UBE2QL1: variants seen among roughly 807,000 people sequenced by gnomAD.
UBE2QL1 encodes ubiquitin conjugating enzyme E2 QL1.
Under a neutral mutation model 12.6 loss-of-function variants are expected in UBE2QL1, and 5 were observed. The ratio of observed to expected loss-of-function variants is 0.40; its 90% CI spans 0.21 to 0.83. UBE2QL1 has a LOEUF of 0.83. Among genes scored for constraint, UBE2QL1 ranks in the 40% least tolerant of loss-of-function variants. UBE2QL1 has a pLI of 0.37. For missense variants in UBE2QL1, 99 were observed against 222.6 expected (o/e 0.44, Z 3.53); for synonymous variants, 96 against 94.5 (o/e 1.02, Z -0.10).
chr5:6,467,492 A>G (rs1262458028), intron 1 of UBE2QL1, among the ~76,000 whole-genome samples: 1 of 152,096 alleles, frequency 6.6e-6, no homozygotes, highest in Non-Finnish European at 1.5e-5. Flanking sequence ...CACCAGTCCT[A>G]TTGGATTAGG....
intron 1 of UBE2QL1, among the ~76,000 whole-genome samples, chr5:6,473,195 T>C (rs12652806): frequency 0.63 from 95,159 of 152,138 alleles, 34,167 homozygotes; most frequent in East Asian, 0.91. Context: ...CTTTTCAAAA[T>C]CATCTTAGCT....
At chr5:6,485,321 A>G (rs1355694528) in intron 1 of UBE2QL1, among the ~76,000 whole-genome samples, 1 of 152,154 alleles carries the variant, frequency 6.6e-6, no homozygotes, top group Non-Finnish European at 1.5e-5. Context: ...TTCTTAGAAG[A>G]GTCTGATCTG....
chr5:6,471,766 A>G (rs1168746939), intron 1 of UBE2QL1, among the ~76,000 whole-genome samples: 1 of 152,240 alleles, frequency 6.6e-6, no homozygotes, highest in Non-Finnish European at 1.5e-5. Context: ...ATACAGGAGC[A>G]TAATATTAGC....
At chr5:6,471,789 T>C (rs1472135020) in intron 1 of UBE2QL1, among the ~76,000 whole-genome samples, 1 of 152,208 alleles carries the variant, frequency 6.6e-6, no homozygotes, top group Admixed American at 6.5e-5. Context: ...ATTCCGTAGG[T>C]AGGATCTTGT....
intron 1 of UBE2QL1, among the ~76,000 whole-genome samples, chr5:6,488,456 C>T (rs1371700155): frequency 1.8e-5 from 2 of 109,976 alleles, no homozygotes; most frequent in Non-Finnish European, 3.4e-5. Flanking sequence ...TGCATTTTCG[C>T]CAAAAAAAAA....
In UBE2QL1 at chr5:6,449,238, C is replaced by T. The variant is rs1012449377; in HGVS notation, c.345C>T (p.Val115=). 1 of 1,439,484 alleles carries T rather than the reference C, an allele frequency of 6.9e-7. No homozygotes were observed. The highest frequency in any genetic ancestry group is 1.5e-5 in the African/African-American group (1 of 68,404). The allele number at this position is 1,439,484 out of a possible 1,614,324, so 89.2% of individuals were successfully genotyped here. A position where few individuals can be genotyped will look rare whatever the true frequency, so the allele number is the denominator to read the frequency against. The change falls in exon 1 of 2, where the codon GTC becomes GTT. Residue 115 remains valine (V), a synonymous_variant. Transcript: ENST00000399816. The part of the protein sequence containing the change: ...AVMRQFAASL[V]KGQGRICRKA... ...TGCGCCAGTTCGCAGCCAGCCTGGT[C>T]AAGGGCCAGGTAAGGCGAGCGCGCC...
chr5:6,461,543 A>ACCCCCCC (rs71953375), intron 1 of UBE2QL1, among the ~76,000 whole-genome samples: 25 of 42,190 alleles, frequency 5.9e-4, no homozygotes, highest in South Asian at 1.1e-3. Context: ...AGCACCCACC[A>ACCCCCCC]CCCCCCCCCG....
intron 1 of UBE2QL1, among the ~76,000 whole-genome samples, chr5:6,488,521 G>A (rs928091135): frequency 1.3e-5 from 2 of 151,654 alleles, no homozygotes; most frequent in Non-Finnish European, 2.9e-5. Flanking sequence ...GATGCTGGCC[G>A]GGCACACTGG....
intron 1 of UBE2QL1, among the ~76,000 whole-genome samples, chr5:6,477,594 G>A (rs1040403609): frequency 3.3e-5 from 5 of 152,224 alleles, no homozygotes; most frequent in African/African-American, 1.2e-4. Context: ...GACCATTTAG[G>A]CAGAAAGTTG....
intron 1 of UBE2QL1, among the ~76,000 whole-genome samples, chr5:6,466,150 C>T (rs1479578424): frequency 6.6e-6 from 1 of 152,178 alleles, no homozygotes; most frequent in Non-Finnish European, 1.5e-5. Flanking sequence ...GGCGATGCAG[C>T]GCCCAGCGTC....
At chr5:6,464,680 T>C (rs1739747292) in intron 1 of UBE2QL1, among the ~76,000 whole-genome samples, 1 of 152,376 alleles carries the variant, frequency 6.6e-6, no homozygotes, top group Admixed American at 6.5e-5. Context: ...GGGCCGTGTC[T>C]GCCTTCTCTG....
Position 6,495,212 on chromosome 5 carries a change from G to A in UBE2QL1, c.*3863G>A, listed in dbSNP as rs1734646294. Among the ~76,000 whole-genome samples, 1 of 152,164 alleles carries A rather than the reference G, an allele frequency of 6.6e-6. No individual in the cohort carries two copies. The highest frequency in any genetic ancestry group is 2.1e-4 in the South Asian group (1 of 4,826). ...CTCACCTGCAGAGTCCCTATTCATG[G>A]AGCTGATTTCAGGAAGCAGGACACG... On this transcript the variant is annotated 3_prime_UTR_variant, in exon 2 of 2. Transcript: ENST00000399816.
In UBE2QL1 at chr5:6,476,745, T is replaced by TG. The variant is rs1313032067; in HGVS notation, c.355-14472dup. Among the ~76,000 whole-genome samples the TG allele has an allele frequency of 1.3e-5, 2 of 152,170 alleles. No individual in the cohort carries two copies. Among genetic ancestry groups the TG allele is most frequent in the African/African-American group, 4.8e-5 (2 of 41,446 alleles). On this transcript the variant is annotated intron_variant, in intron 1 of 1. Coordinates refer to ENST00000399816, the MANE Select transcript of UBE2QL1 (RefSeq NM_001145161.3). The surrounding 1 kb of genome is among the most constrained non-coding windows in gnomAD (Gnocchi z 4.9). ...TCGTATCACATGAGAGATGCCCACT[T>TG]GCTAATTAATGGGTTTCTTCACAGG... is the stretch of plus-strand genomic sequence containing the variant.
chr5:6,486,236 G>A (rs1734464281), intron 1 of UBE2QL1, among the ~76,000 whole-genome samples: 1 of 152,018 alleles, frequency 6.6e-6, no homozygotes, highest in African/African-American at 2.4e-5. Flanking sequence ...ACACAGCCAG[G>A]AAGTATTGGA....
intron 1 of UBE2QL1, among the ~76,000 whole-genome samples, chr5:6,458,605 C>A (rs1037339599): frequency 6.6e-6 from 1 of 151,920 alleles, no homozygotes; most frequent in Non-Finnish European, 1.5e-5. Context: ...CATATTGCTT[C>A]CCGTAAGATG....
rs1233569223 is a variant in UBE2QL1, at chr5:6,495,352, G to A, written c.*4003G>A. 6.6e-6 allele frequency among the ~76,000 whole-genome samples: 1 copy of A among 152,144 alleles called. No individual in the cohort carries two copies. ...TTTAATGGAATTTGCTTTCTAAAGG[G>A]GCAGAGCTTACTTCCTGACTGTAGT... On this transcript the variant is annotated 3_prime_UTR_variant, in exon 2 of 2. Transcript: ENST00000399816.
At chr5:6,470,326 A>G (rs1257560934) in intron 1 of UBE2QL1, among the ~76,000 whole-genome samples, 1 of 152,194 alleles carries the variant, frequency 6.6e-6, no homozygotes, top group East Asian at 1.9e-4. Flanking sequence ...AGGCCAGGAA[A>G]AGCGTGGATT....
chr5:6,476,160 A>G lies in UBE2QL1; in HGVS notation c.355-15058A>G, dbSNP rs187820807. 2.4e-3 allele frequency among the ~76,000 whole-genome samples: 366 copies of G among 151,122 alleles called. 1 individual carries two copies. Among genetic ancestry groups the G allele is most frequent in the Middle Eastern group, 6.8e-3 (2 of 292 alleles). ...TTTCCAGTGGCACTGGGGCTCCCTTATTCCTAGGAGGCGGGGCCTGAGCAG... is the reference window on the plus strand; with the variant it reads ...TTTCCAGTGGCACTGGGGCTCCCTTGTTCCTAGGAGGCGGGGCCTGAGCAG... On this transcript the variant is annotated intron_variant, in intron 1 of 1. Coordinates refer to ENST00000399816, the MANE Select transcript of UBE2QL1 (RefSeq NM_001145161.3). The surrounding 1 kb of genome is among the most constrained non-coding windows in gnomAD (Gnocchi z 4.9).
chr5:6,452,237 C>A (rs2173915), intron 1 of UBE2QL1, among the ~76,000 whole-genome samples: 2 of 152,164 alleles, frequency 1.3e-5, no homozygotes, highest in Admixed American at 6.5e-5. Context: ...TTTATCACAT[C>A]ATATGATAAA....
Sources: gnomAD v4.1 joint callset for allele counts (sites outside exome capture counted in the v4.1 genomes callset) on GRCh38, gnomAD v4.1.1 for gene constraint, Gnocchi (gnomAD v3.1) non-coding constraint, MANE v1.5 for transcripts, NCBI Gene and HGNC (gene_info 2026-07-23, HGNC 2026-07-21) for gene names.